The following MTCL1 variants were observed in gnomAD, a reference collection of about 807,000 sequenced individuals.
MTCL1 encodes microtubule cross-linking factor 1.
MTCL1 carries 79 observed loss-of-function variants against 141.4 expected under a neutral mutation model. The ratio of observed to expected loss-of-function variants is 0.56; its 90% CI spans 0.47 to 0.67. MTCL1 has a LOEUF of 0.67. Ranked by LOEUF, MTCL1 falls within the 30% of genes least tolerant of loss-of-function variation. MTCL1 has a pLI of 0.00. For missense variants in MTCL1, 2,177 were observed against 2,113.9 expected (o/e 1.03, Z -0.59); for synonymous variants, 914 against 875.8 (o/e 1.04, Z -0.77).
At chr18:8,764,676 G>T (rs951298877) in intron 4 of MTCL1, among the ~76,000 whole-genome samples, 4 of 151,994 alleles carry the variant, frequency 2.6e-5, no homozygotes, top group Non-Finnish European at 5.9e-5. Context: ...GGCTCGATAT[G>T]CCTGGATTTG....
At chr18:8,805,588 G>T (rs1482995503) in intron 10 of MTCL1, among the ~76,000 whole-genome samples, 1 of 152,218 alleles carries the variant, frequency 6.6e-6, no homozygotes, top group Non-Finnish European at 1.5e-5. Flanking sequence ...GTGAAGGCCA[G>T]TGTGTGTGTA....
chr18:8,825,337 T>C (rs1399441405), exon 15 of MTCL1: 4 of 1,538,798 alleles, frequency 2.6e-6, no homozygotes, highest in East Asian at 2.3e-5. Flanking sequence ...AGCCTGGAGA[T>C]GTCCAAGAAC....
At chr18:8,726,293 T>G (rs1447626664) in intron 4 of MTCL1, among the ~76,000 whole-genome samples, 1 of 145,334 alleles carries the variant, frequency 6.9e-6, no homozygotes. Context: ...TTTCTTTTTT[T>G]TTTTTTTTTT....
intron 14 of MTCL1, among the ~76,000 whole-genome samples, chr18:8,823,807 G>A (rs1026689439): frequency 6.6e-6 from 1 of 152,150 alleles, no homozygotes; most frequent in East Asian, 1.9e-4. Context: ...CAGCGCACAC[G>A]GTACAGGGAC....
rs116449409 is a variant in MTCL1 at position 8,718,570 on chromosome 18, C to G, written c.120C>G (p.Ala40=). 5.4e-4 allele frequency: 875 copies of G among 1,614,116 alleles called. 4 individuals are homozygous for G. The African/African-American group carries it at 9.0e-3, about 17-fold the overall frequency. ...TCCTGCAGTACCGTCTTCGGAAAGC[C>G]GAGCAGAAAAGCCTGAAAGTGGCTG... is the stretch of plus-strand genomic sequence containing the variant. Residue 40 remains alanine, a synonymous_variant, in exon 3 of 17, where the codon GCC becomes GCG. Transcript: ENST00000359865.
intron 4 of MTCL1, among the ~76,000 whole-genome samples, chr18:8,775,917 G>A (rs555240593): frequency 2.0e-5 from 3 of 152,256 alleles, no homozygotes; most frequent in East Asian, 1.9e-4. Flanking sequence ...AGGCTCAGGG[G>A]CAGCTAGAAT....
At chr18:8,730,607 C>T (rs1042354924) in intron 4 of MTCL1, among the ~76,000 whole-genome samples, 4 of 152,314 alleles carry the variant, frequency 2.6e-5, no homozygotes, top group South Asian at 2.1e-4. Context: ...CCAGGCTCCT[C>T]GCTGGGCTTG....
At chr18:8,796,539 C>G in intron 9 of MTCL1, 77 bp downstream of exon 8, 1 of 1,355,846 alleles carries the variant, frequency 7.4e-7, no homozygotes, top group Admixed American at 1.8e-5. Context: ...CCTCACCCAC[C>G]CTACACACAG....
At chr18:8,759,126 G>A (rs796357344) in intron 4 of MTCL1, among the ~76,000 whole-genome samples, 4 of 152,208 alleles carry the variant, frequency 2.6e-5, no homozygotes, top group African/African-American at 7.2e-5. Context: ...CAAAGTCTTC[G>A]TGTGGAAAGA....
exon 17 of MTCL1, chr18:8,831,907 G>A: frequency 2.2e-6 from 3 of 1,337,282 alleles, no homozygotes; most frequent in South Asian, 1.3e-5. Flanking sequence ...TTTTCTCAAG[G>A]TCAAAGAATG....
intron 14 of MTCL1, 149 bp from the exon 14 acceptor site, chr18:8,824,550 G>A (rs561025548): frequency 1.2e-5 from 8 of 653,910 alleles, no homozygotes; most frequent in East Asian, 2.7e-5. Context: ...GTCTGTGAGT[G>A]CAGCACATGA....
intron 4 of MTCL1, among the ~76,000 whole-genome samples, 182 bp from the exon 4 acceptor site, chr18:8,777,651 T>C (rs943791769): frequency 2.0e-5 from 3 of 152,230 alleles, no homozygotes; most frequent in Admixed American, 2.0e-4. Context: ...TCCAACTGCA[T>C]TTACACATTG....
At chr18:8,798,120 C>T (rs1278723561) in exon 10 of MTCL1, 1 of 1,591,134 alleles carries the variant, frequency 6.3e-7, no homozygotes, top group Admixed American at 1.8e-5. Context: ...AGACCCTCTC[C>T]AGGCTCGGGG....
exon 6 of MTCL1, chr18:8,784,285 G>T: frequency 6.3e-7 from 1 of 1,588,214 alleles, no homozygotes; most frequent in Non-Finnish European, 8.6e-7. Context: ...AGAGTGATGC[G>T]GGCAAGAAGG....
At chr18:8,751,630 G>A (rs1214251322) in intron 4 of MTCL1, among the ~76,000 whole-genome samples, 2 of 152,218 alleles carry the variant, frequency 1.3e-5, no homozygotes, top group Admixed American at 6.5e-5. Context: ...AATCCGAGGT[G>A]AATTTTCTCA....
chr18:8,754,576 G>A (rs2096387976), intron 4 of MTCL1, among the ~76,000 whole-genome samples: 1 of 152,144 alleles, frequency 6.6e-6, no homozygotes, highest in African/African-American at 2.4e-5. Flanking sequence ...TACCAGTAAT[G>A]TCAGAGAGAA....
At chr18:8,735,850 A>G (rs1174244962) in intron 4 of MTCL1, among the ~76,000 whole-genome samples, 1 of 152,188 alleles carries the variant, frequency 6.6e-6, no homozygotes, top group Non-Finnish European at 1.5e-5. Flanking sequence ...TGAATGGCAG[A>G]CAGGACCTTG....
chr18:8,828,951 G>A lies in MTCL1; in HGVS notation c.*5G>A. The A allele has an allele frequency of 6.2e-7, 1 of 1,614,190 alleles. No individual in the cohort carries two copies. The highest frequency in any genetic ancestry group is 8.5e-7 in the Non-Finnish European group (1 of 1,180,038). On this transcript the variant is annotated 3_prime_UTR_variant, in exon 16 of 17. Coordinates refer to ENST00000359865, the Ensembl canonical transcript of MTCL1. This position sits in a 1 kb window ranked among gnomAD's most constrained non-coding sequence, Gnocchi z 5.2. ...ACTGCCCCCTGGGGACTCTAGCCCT[G>A]CCCGCCTCACGCTGTAAGTGCTTCC...
exon 17 of MTCL1, chr18:8,831,747 G>A (rs1175624630): frequency 6.5e-6 from 10 of 1,550,330 alleles, no homozygotes; most frequent in Admixed American, 2.0e-5. Flanking sequence ...GAGACCCGAC[G>A]TCCTTGGAGG....
Sources: gnomAD v4.1 joint callset for allele counts (sites outside exome capture counted in the v4.1 genomes callset) on GRCh38, gnomAD v4.1.1 for gene constraint, Gnocchi (gnomAD v3.1) non-coding constraint, MANE v1.5 for transcripts, NCBI Gene and HGNC (gene_info 2026-07-23, HGNC 2026-07-21) for gene names.